ADGB: variants seen among roughly 807,000 people sequenced by gnomAD.
ADGB encodes calpain-7-like protein.
ADGB carries 172 observed loss-of-function variants against 210.5 expected under a neutral mutation model. The observed-to-expected ratio is 0.82, with a 90% CI of 0.72 to 0.93. ADGB has a LOEUF of 0.93. Among genes scored for constraint, ADGB ranks in the 40% least tolerant of loss-of-function variants. ADGB has a pLI of 0.00. For missense variants in ADGB, 2,025 were observed against 1,964.8 expected (o/e 1.03, Z -0.58); for synonymous variants, 658 against 662.7 (o/e 0.99, Z 0.11).
intron 5 of ADGB, 63 bp from the exon 6 acceptor site, chr6:146,664,138 C>T: frequency 7.0e-7 from 1 of 1,425,660 alleles, no homozygotes; most frequent in Non-Finnish European, 9.3e-7. Flanking sequence ...CACGTGCAAT[C>T]ATTTACGAGA....
intron 17 of ADGB, 114 bp downstream of exon 17, chr6:146,721,619 C>T (rs1776816193): frequency 9.8e-6 from 5 of 509,956 alleles, no homozygotes; most frequent in Admixed American, 6.4e-5. Flanking sequence ...GGGTGGATCA[C>T]CTGAAGTCAG....
At chr6:146,759,282 A>G (rs373237544) in intron 27 of ADGB, among the ~76,000 whole-genome samples, 1 of 151,810 alleles carries the variant, frequency 6.6e-6, no homozygotes, top group South Asian at 2.1e-4. Flanking sequence ...AGACTTCTTT[A>G]TATCTGTTCT....
At chr6:146,628,362 G>A (rs908946025) in intron 1 of ADGB, among the ~76,000 whole-genome samples, 4 of 151,634 alleles carry the variant, frequency 2.6e-5, no homozygotes, top group Non-Finnish European at 5.9e-5. Context: ...TCATTTTTAA[G>A]TTGTATTTCA....
At chr6:146,731,875 G>A (rs1776993063) in intron 20 of ADGB, among the ~76,000 whole-genome samples, 1 of 152,094 alleles carries the variant, frequency 6.6e-6, no homozygotes, top group African/African-American at 2.4e-5. Context: ...GGGGGAATCG[G>A]GCACGGAGTC....
At chr6:146,807,357 C>T (rs1313524493) in intron 35 of ADGB, 5 of 1,534,008 alleles carry the variant, frequency 3.3e-6, no homozygotes, top group Non-Finnish European at 3.5e-6. Flanking sequence ...GGAACGTAAG[C>T]CTTTACCAGT....
chr6:146,763,295 C>T (rs1161418912), intron 27 of ADGB, among the ~76,000 whole-genome samples: 1 of 152,068 alleles, frequency 6.6e-6, no homozygotes, highest in African/African-American at 2.4e-5. Flanking sequence ...GAGAATAAGC[C>T]CAATGTCATG....
At chr6:146,640,365 T>G (rs1442011868) in intron 2 of ADGB, among the ~76,000 whole-genome samples, 1 of 152,004 alleles carries the variant, frequency 6.6e-6, no homozygotes. Context: ...CTACTGAAAC[T>G]CTTCTAAAAA....
At chr6:146,753,168 T>G (rs887241394) in intron 27 of ADGB, among the ~76,000 whole-genome samples, 1 of 152,090 alleles carries the variant, frequency 6.6e-6, no homozygotes, top group Non-Finnish European at 1.5e-5. Context: ...TACGTAGTTA[T>G]GTTAGTAACT....
chr6:146,645,392 T>A (rs896121117), intron 3 of ADGB, among the ~76,000 whole-genome samples: 1 of 152,072 alleles, frequency 6.6e-6, no homozygotes, highest in African/African-American at 2.4e-5. Context: ...CATTTTTAAA[T>A]AGCACTTATA....
chr6:146,785,732 C>T lies in ADGB; in HGVS notation c.4315+20C>T. ...AAGAAGGTGAGTGGATCCTACCACC[C>T]CAGCTGCCTCAGAGCACAGAGCTGT... On this transcript the variant is annotated intron_variant, in intron 32 of 35. Coordinates refer to ENST00000397944, the MANE Select transcript of ADGB (RefSeq NM_024694.4). 6.6e-7 allele frequency: 1 copy of T among 1,504,838 alleles called. No individual in the cohort carries two copies. The highest frequency in any genetic ancestry group is 2.5e-5 in the East Asian group (1 of 40,668). 93.2% of individuals were successfully genotyped at this position (1,504,838 alleles called of 1,614,324 possible).
At chr6:146,605,520 A>T (rs543588727) in intron 1 of ADGB, among the ~76,000 whole-genome samples, 25 of 152,230 alleles carry the variant, frequency 1.6e-4, no homozygotes, top group Non-Finnish European at 8.8e-5. Flanking sequence ...GCCTGAATAT[A>T]TATTTTATAT....
At chr6:146,722,037 G>A (rs1232903519) in intron 17 of ADGB, among the ~76,000 whole-genome samples, 3 of 151,718 alleles carry the variant, frequency 2.0e-5, no homozygotes, top group East Asian at 1.9e-4. Flanking sequence ...CACCTTTTTG[G>A]TGTACTCACT....
chr6:146,733,840 A>T, intron 21 of ADGB, 53 bp from the exon 22 acceptor site: 2 of 1,546,794 alleles, frequency 1.3e-6, no homozygotes, highest in South Asian at 2.4e-5. Context: ...GTTGAAACTT[A>T]GGGAAGGGAT....
chr6:146,656,190 A>AC (rs939119241), intron 4 of ADGB, among the ~76,000 whole-genome samples: 4 of 152,174 alleles, frequency 2.6e-5, no homozygotes, highest in Non-Finnish European at 4.4e-5. Context: ...AAGTCCATCC[A>AC]CCCACTGGGC....
At chr6:146,786,240 A>G (rs1229736237) in intron 32 of ADGB, among the ~76,000 whole-genome samples, 1 of 149,528 alleles carries the variant, frequency 6.7e-6, no homozygotes, top group African/African-American at 2.4e-5. Context: ...CAGTTTATCA[A>G]TAAGGACACA....
In ADGB at chr6:146,785,577, G is replaced by A. The variant is rs753827369; in HGVS notation, c.4213-33G>A. On this transcript the variant is annotated intron_variant, in intron 31 of 35. Coordinates refer to ENST00000397944, the MANE Select transcript of ADGB (RefSeq NM_024694.4). ...CTGTACTGGTTGTTGCTTTTGAAGA[G>A]CTTTTAAAAAGCTGCTCATGTTTGT... 6.6e-6 allele frequency: 10 copies of A among 1,522,556 alleles called. No homozygotes were observed. The South Asian group carries it at 1.2e-4, about 18-fold the overall frequency. 94.3% of individuals were successfully genotyped at this position (1,522,556 alleles called of 1,614,324 possible).
At chr6:146,710,336 A>G (rs1776642041) in intron 13 of ADGB, among the ~76,000 whole-genome samples, 3 of 151,942 alleles carry the variant, frequency 2.0e-5, no homozygotes, top group South Asian at 4.1e-4. Flanking sequence ...ATTTTTTCCC[A>G]TATAGATACA....
At position 146,676,403 on chromosome 6, in the gene ADGB, C is replaced by T. The variant is rs1407921479; in HGVS notation, c.1178C>T (p.Ser393Leu). ...TTCTCACTTCATGGTTCAAGACCCT[C>T]ATCAGAAGTGCAGTACTCTGTGCAG... The part of the protein sequence containing the change: ...FKFSLHGSRP[S>L]SEVQYSVQSL... The change falls in exon 9 of 36, where the codon TCA becomes TTA. Residue 393 changes from serine to leucine, a missense_variant. Transcript: ENST00000397944. 2 of 1,546,434 alleles carry T rather than the reference C, an allele frequency of 1.3e-6. No homozygotes were observed. The highest frequency in any genetic ancestry group is 4.0e-5 in the Admixed American group (2 of 50,596).
In ADGB at chr6:146,696,298, T is replaced by A. The variant is rs1045827274; in HGVS notation, c.1577+3383T>A. Among the ~76,000 whole-genome samples, 9 of 151,906 alleles carry A rather than the reference T, an allele frequency of 5.9e-5. 1 individual carries two copies. Among genetic ancestry groups the A allele is most frequent in the African/African-American group, 2.2e-4 (9 of 41,354 alleles). On this transcript the variant is annotated intron_variant, in intron 12 of 35. Coordinates refer to ENST00000397944, the MANE Select transcript of ADGB (RefSeq NM_024694.4). ...ACCATGTTGGCCAGGCTGGTCTCTATCTCCTGACCTCAGGTGATCCACCCA... is the reference window on the plus strand; with the variant it reads ...ACCATGTTGGCCAGGCTGGTCTCTAACTCCTGACCTCAGGTGATCCACCCA...
Sources: gnomAD v4.1 joint callset for allele counts (sites outside exome capture counted in the v4.1 genomes callset) on GRCh38, gnomAD v4.1.1 for gene constraint, MANE v1.5 for transcripts, NCBI Gene and HGNC (gene_info 2026-07-23, HGNC 2026-07-21) for gene names.